Variants in C10orf67 observed in about 807,000 individuals in gnomAD.
C10orf67 encodes the protein chromosome 10 open reading frame 67.
Under a neutral mutation model 35.6 loss-of-function variants are expected in C10orf67, and 60 were observed. The observed-to-expected ratio is 1.68, with a 90% CI of 1.37 to 2.09. C10orf67 has a LOEUF of 2.09. Among genes scored for constraint, C10orf67 ranks in the 30% most tolerant of loss-of-function variants. C10orf67 has a pLI of 0.00. For synonymous variants in C10orf67, 167 were observed against 115.8 expected, an observed-to-expected ratio of 1.44 and a Z score of -2.84; for missense variants, 474 against 330.2, an observed-to-expected ratio of 1.44 and a Z score of -3.38.
chr10:23,333,031 C>G (rs1475670673), intron 2 of C10orf67, 31 bp downstream of exon 2: 1 of 1,599,344 alleles, frequency 6.3e-7, no homozygotes, highest in Non-Finnish European at 8.5e-7. Flanking sequence ...CAAAAATTAT[C>G]TCAGAAGTTT....
At chr10:23,280,165 T>C (rs915307899) in intron 8 of C10orf67, among the ~76,000 whole-genome samples, 2 of 152,222 alleles carry the variant, frequency 1.3e-5, no homozygotes, top group African/African-American at 2.4e-5. Flanking sequence ...AGTTTACATA[T>C]ACTTACTGAT....
In C10orf67 at chr10:23,290,296, C is replaced by A. The variant is rs12244015; in HGVS notation, c.851-338G>T. Among the ~76,000 whole-genome samples the A allele has an allele frequency of 7.0e-3, 1,064 of 152,120 alleles. 12 individuals carry two copies. Among genetic ancestry groups the A allele is most frequent in the African/African-American group, 0.024 (1,012 of 41,494 alleles). On this transcript the variant is annotated intron_variant, in intron 6 of 15. Transcript: ENST00000636213. Reference sequence around the variant, plus strand: ...CAGTTTATGACTTAATAAGAACGACCCAAAACTAAAAAGCCTTGCTATGCC... The same window carrying A: ...CAGTTTATGACTTAATAAGAACGACACAAAACTAAAAAGCCTTGCTATGCC...
chr10:23,275,298 A>C (rs763045270), intron 8 of C10orf67, among the ~76,000 whole-genome samples: 8 of 152,182 alleles, frequency 5.3e-5, no homozygotes, highest in South Asian at 2.1e-4. Flanking sequence ...CAGCTTATGC[A>C]ACCTATCAAG....
chr10:23,234,262 T>C (rs935819754), intron 13 of C10orf67, among the ~76,000 whole-genome samples: 1 of 152,108 alleles, frequency 6.6e-6, no homozygotes, highest in East Asian at 1.9e-4. Context: ...AGCAAAGACA[T>C]GGAATCAACT....
At chr10:23,279,357 G>A (rs1160310014) in intron 8 of C10orf67, among the ~76,000 whole-genome samples, 5 of 152,220 alleles carry the variant, frequency 3.3e-5, no homozygotes, top group African/African-American at 7.2e-5. Flanking sequence ...CACAGGCCAC[G>A]GAAACATCTG....
At chr10:23,247,965 G>A (rs1214558329) in intron 12 of C10orf67, among the ~76,000 whole-genome samples, 2 of 152,126 alleles carry the variant, frequency 1.3e-5, no homozygotes, top group Non-Finnish European at 2.9e-5. Context: ...AAGGTGAGGG[G>A]ACTATATGAG....
intron 7 of C10orf67, among the ~76,000 whole-genome samples, chr10:23,282,364 C>G (rs2132237376): frequency 6.6e-6 from 1 of 152,288 alleles, no homozygotes; most frequent in South Asian, 2.1e-4. Context: ...TCAAAAAGAA[C>G]AATTTTACTT....
chr10:23,309,169 G>A (rs986637939), intron 4 of C10orf67, among the ~76,000 whole-genome samples: 1 of 152,078 alleles, frequency 6.6e-6, no homozygotes, highest in Non-Finnish European at 1.5e-5. Flanking sequence ...TAAAGAAAAT[G>A]TAATATATTA....
chr10:23,250,744 T>G, intron 10 of C10orf67, 53 bp from the exon 11 acceptor site: 1 of 398,022 alleles, frequency 2.5e-6, no homozygotes, highest in East Asian at 3.6e-5. Context: ...TATATCTTGT[T>G]TCTCCATAAA....
chr10:23,299,586 A>G (rs1289863592), intron 5 of C10orf67, among the ~76,000 whole-genome samples: 1 of 152,178 alleles, frequency 6.6e-6, no homozygotes, highest in African/African-American at 2.4e-5. Context: ...TTCCCCAGTC[A>G]CAACTTAGTG....
chr10:23,271,574 G>A (rs938305534), intron 8 of C10orf67, among the ~76,000 whole-genome samples: 4 of 152,132 alleles, frequency 2.6e-5, no homozygotes, highest in Non-Finnish European at 4.4e-5. Flanking sequence ...CCACATCCTT[G>A]ACAACACTTT....
At chr10:23,266,223 G>A (rs1842880466) in intron 10 of C10orf67, 39 bp downstream of exon 10, 4 of 398,380 alleles carry the variant, frequency 1.0e-5, no homozygotes, top group Non-Finnish European at 1.3e-5. Context: ...CCTGTGCAGA[G>A]GAAGGTGGAC....
intron 8 of C10orf67, among the ~76,000 whole-genome samples, chr10:23,268,168 A>G (rs1446597214): frequency 6.6e-6 from 1 of 151,974 alleles, no homozygotes; most frequent in African/African-American, 2.4e-5. Context: ...GGTGGTGTGT[A>G]CCTATAGTCC....
chr10:23,239,450 C>A (rs998460029), intron 13 of C10orf67, among the ~76,000 whole-genome samples: 3 of 152,154 alleles, frequency 2.0e-5, no homozygotes, highest in African/African-American at 4.8e-5. Context: ...ATGCTCCAGG[C>A]AGAATGAGTG....
At chr10:23,320,965 A>G in intron 3 of C10orf67, 150 bp from the exon 4 acceptor site, 2 of 593,580 alleles carry the variant, frequency 3.4e-6, no homozygotes, top group Non-Finnish European at 5.9e-6. Context: ...CCCACCCTGC[A>G]GCCGTTATGA....
intron 1 of C10orf67, 187 bp downstream of exon 1, chr10:23,344,382 C>G (rs1846054247): frequency 1.6e-6 from 1 of 635,202 alleles, no homozygotes; most frequent in African/African-American, 1.8e-5. Context: ...GGCGGGCTCC[C>G]AAGCCACCCC....
At chr10:23,323,037 G>A (rs1443581430) in intron 2 of C10orf67, among the ~76,000 whole-genome samples, 2 of 152,114 alleles carry the variant, frequency 1.3e-5, no homozygotes, top group South Asian at 4.1e-4. Context: ...TAGGTGGCCA[G>A]GCTTTCAAAG....
chr10:23,335,755 T>A (rs1209840546), intron 1 of C10orf67, among the ~76,000 whole-genome samples: 1 of 152,200 alleles, frequency 6.6e-6, no homozygotes, highest in African/African-American at 2.4e-5. Flanking sequence ...AATAAAAATA[T>A]GCGATATATT....
chr10:23,209,044 G>A (rs1463506944), intron 15 of C10orf67, among the ~76,000 whole-genome samples: 1 of 152,008 alleles, frequency 6.6e-6, no homozygotes, highest in Admixed American at 6.5e-5. Context: ...GAAGGCATGT[G>A]TACAGGCACA....
Sources: allele counts gnomAD v4.1 joint callset (sites outside exome capture counted in the v4.1 genomes callset), GRCh38; gene constraint gnomAD v4.1.1; transcripts MANE v1.5; gene names NCBI Gene and HGNC (gene_info 2026-07-23, HGNC 2026-07-21).